Variants in MATN2 observed in about 807,000 individuals in gnomAD.
MATN2 encodes matrilin 2.
Under a neutral mutation model 103.2 loss-of-function variants are expected in MATN2, and 69 were observed. The ratio of observed to expected loss-of-function variants is 0.67; its 90% CI spans 0.55 to 0.82. The LOEUF (loss-of-function observed/expected upper bound fraction) is 0.82. Ranked by LOEUF, MATN2 falls within the 40% of genes least tolerant of loss-of-function variation. The pLI is 0.00. For synonymous variants in MATN2, 429 were observed against 450.2 expected (o/e 0.95, Z 0.60); for missense variants, 1,023 against 1,211.5 (o/e 0.84, Z 2.31).
chr8:98,021,478 C>T (rs1813588832), intron 13 of MATN2, among the ~76,000 whole-genome samples, 151 bp downstream of exon 13: 1 of 152,174 alleles, frequency 6.6e-6, no homozygotes, highest in African/African-American at 2.4e-5. Flanking sequence ...GAGGGCTTAA[C>T]TGCAGCACCT....
intron 5 of MATN2, among the ~76,000 whole-genome samples, chr8:97,969,327 A>G (rs763056691): frequency 6.6e-6 from 1 of 152,242 alleles, no homozygotes; most frequent in East Asian, 1.9e-4. Flanking sequence ...CACTAAGCAC[A>G]TATCTTTAAG....
chr8:97,943,252 T>C (rs1342922006), intron 4 of MATN2, among the ~76,000 whole-genome samples: 2 of 151,972 alleles, frequency 1.3e-5, no homozygotes, highest in Non-Finnish European at 2.9e-5. Context: ...CTCCACCTCT[T>C]CAGGTGTTCT....
intron 4 of MATN2, among the ~76,000 whole-genome samples, chr8:97,955,785 G>A (rs1459400231): frequency 6.6e-6 from 1 of 152,216 alleles, no homozygotes; most frequent in Non-Finnish European, 1.5e-5. Context: ...TGTGTCACAT[G>A]AGCATGAGTT....
rs756805587 is a variant in MATN2, at chr8:98,030,459, T to C, written c.2357-3T>C. 1.9e-6 allele frequency: 3 copies of C among 1,611,760 alleles called. No individual in the cohort carries two copies. Among genetic ancestry groups the C allele is most frequent in the Admixed American group, 1.7e-5 (1 of 59,526 alleles). On this transcript the variant is annotated splice_region_variant and splice_polypyrimidine_tract_variant and intron_variant, in intron 14 of 18. Coordinates refer to ENST00000254898, the MANE Select transcript of MATN2 (RefSeq NM_002380.5). The stretch of plus-strand genomic sequence containing the variant: ...CTTGCTCTTAATTTTTCCTGCACCC[T>C]AGGTATCACTATGTATGCTGTTGGG...
At chr8:97,922,028 T>C (rs1452937596) in intron 2 of MATN2, among the ~76,000 whole-genome samples, 1 of 152,198 alleles carries the variant, frequency 6.6e-6, no homozygotes, top group Non-Finnish European at 1.5e-5. Context: ...GAATTGTGCA[T>C]GCAAGGGATC....
intron 2 of MATN2, among the ~76,000 whole-genome samples, chr8:97,921,860 C>T (rs907394520): frequency 1.3e-5 from 2 of 152,212 alleles, no homozygotes; most frequent in African/African-American, 2.4e-5. Flanking sequence ...AGCCGGGGTT[C>T]CCAAACCCCA....
chr8:97,896,461 G>A (rs1437764211), intron 2 of MATN2, among the ~76,000 whole-genome samples: 5 of 152,248 alleles, frequency 3.3e-5, no homozygotes, highest in African/African-American at 1.2e-4. Context: ...GAGACACAGG[G>A]TGGTCAGTAG....
At chr8:97,900,742 T>G (rs542321416) in intron 2 of MATN2, among the ~76,000 whole-genome samples, 1 of 152,326 alleles carries the variant, frequency 6.6e-6, no homozygotes, top group South Asian at 2.1e-4. Context: ...GAGGCCGTCC[T>G]GGCTAACACG....
chr8:97,993,101 A>G (rs564604769), intron 6 of MATN2, among the ~76,000 whole-genome samples: 22 of 152,292 alleles, frequency 1.4e-4, no homozygotes, highest in Admixed American at 1.2e-3. Context: ...TATACTACTC[A>G]GTCCATTTTT....
chr8:97,943,633 C>G (rs1457209912), intron 4 of MATN2, among the ~76,000 whole-genome samples: 2 of 152,136 alleles, frequency 1.3e-5, no homozygotes, highest in Admixed American at 1.3e-4. Context: ...GCCACCATGC[C>G]TGGCTAATTT....
rs1476929251 is a variant in MATN2, at chr8:97,926,656, T to C, written c.143-4297T>C. Reference sequence around the variant, plus strand: ...AAGATTCTACTAGTCTGTGATTCCATGAGTCAAACTTCAGAAGTGGTTATG... The same window carrying C: ...AAGATTCTACTAGTCTGTGATTCCACGAGTCAAACTTCAGAAGTGGTTATG... On this transcript the variant is annotated intron_variant, in intron 2 of 18. Coordinates refer to ENST00000254898, the MANE Select transcript of MATN2 (RefSeq NM_002380.5). Among the ~76,000 whole-genome samples the C allele has an allele frequency of 2.0e-5, 3 of 152,198 alleles. No homozygotes were observed. The East Asian group carries it at 5.8e-4, about 29-fold the overall frequency.
chr8:97,994,134 GAGGA>G (rs1243488637), intron 6 of MATN2, among the ~76,000 whole-genome samples: 2 of 142,162 alleles, frequency 1.4e-5, no homozygotes, highest in African/African-American at 5.2e-5. Context: ...AAGGGAGAGA[GAGGA>G]AGGAAGGAAA....
chr8:97,937,293 T>C (rs1810405448), intron 3 of MATN2, among the ~76,000 whole-genome samples: 1 of 152,114 alleles, frequency 6.6e-6, no homozygotes, highest in Non-Finnish European at 1.5e-5. Flanking sequence ...GATTAAATAA[T>C]AGGTGTCTGT....
At chr8:97,909,590 A>T (rs1819290378) in intron 2 of MATN2, among the ~76,000 whole-genome samples, 1 of 152,186 alleles carries the variant, frequency 6.6e-6, no homozygotes, top group Non-Finnish European at 1.5e-5. Flanking sequence ...GGCAGAGAGA[A>T]CAGCAGGCAG....
chr8:98,018,519 G>A (rs145368340), intron 12 of MATN2, among the ~76,000 whole-genome samples: 2 of 152,316 alleles, frequency 1.3e-5, no homozygotes, highest in Admixed American at 1.3e-4. Context: ...GTGAAAGGGT[G>A]TATTCGTCCA....
At position 98,007,819 on chromosome 8, in the gene MATN2, CT is replaced by C. The variant is rs1813027566; in HGVS notation, c.1573+219del. Among the ~76,000 whole-genome samples the C allele has an allele frequency of 6.6e-6, 1 of 152,154 alleles. No homozygotes were observed. The highest frequency in any genetic ancestry group is 1.9e-4 in the East Asian group (1 of 5,194). ...CCCCGTGCCCTGAAGTGGCTTTTTGCTGTTTCCACCTCCCTGTCATTCTGAA... is the reference window on the plus strand; with the variant it reads ...CCCCGTGCCCTGAAGTGGCTTTTTGCGTTTCCACCTCCCTGTCATTCTGAA... On this transcript the variant is annotated intron_variant, in intron 10 of 18. Transcript: ENST00000254898. This position sits in a 1 kb window ranked among gnomAD's most constrained non-coding sequence, Gnocchi z 4.2.
intron 2 of MATN2, among the ~76,000 whole-genome samples, chr8:97,897,586 A>G (rs1277016852): frequency 6.6e-6 from 1 of 152,212 alleles, no homozygotes; most frequent in African/African-American, 2.4e-5. Flanking sequence ...GAGCTTATCA[A>G]ATTGTTTTAA....
intron 2 of MATN2, among the ~76,000 whole-genome samples, chr8:97,923,085 T>C (rs1455707359): frequency 6.6e-6 from 1 of 152,172 alleles, no homozygotes; most frequent in African/African-American, 2.4e-5. Context: ...TGGATCCTCT[T>C]GGTCTGTTCC....
intron 6 of MATN2, among the ~76,000 whole-genome samples, chr8:97,981,896 G>A (rs1055640150): frequency 7.9e-5 from 12 of 152,162 alleles, no homozygotes; most frequent in African/African-American, 2.4e-4. Flanking sequence ...AGTAGATACC[G>A]CAGCATAGTG....
Sources: gnomAD v4.1 joint callset for allele counts (sites outside exome capture counted in the v4.1 genomes callset) on GRCh38, gnomAD v4.1.1 for gene constraint, Gnocchi (gnomAD v3.1) non-coding constraint, MANE v1.5 for transcripts, NCBI Gene and HGNC (gene_info 2026-07-23, HGNC 2026-07-21) for gene names.